BACH2: variants seen among roughly 807,000 people sequenced by gnomAD.
BACH2 encodes BACH transcriptional regulator 2.
BACH2 carries 5 observed loss-of-function variants against 61.8 expected under a neutral mutation model. The observed-to-expected ratio is 0.08, with a 90% CI of 0.04 to 0.17. The LOEUF (loss-of-function observed/expected upper bound fraction) is 0.17. Among genes scored for constraint, BACH2 ranks in the 10% least tolerant of loss-of-function variants. The probability of loss-of-function intolerance (pLI) is 1.00; values close to 1 mark genes in which losing one functional copy is unlikely to be tolerated. For synonymous variants in BACH2, 446 were observed against 440.1 expected (o/e 1.01, Z -0.17); for missense variants, 824 against 1,091.1 (o/e 0.76, Z 3.45).
chr6:89,967,363 G>A (rs1775100636), intron 6 of BACH2, among the ~76,000 whole-genome samples: 3 of 152,148 alleles, frequency 2.0e-5, no homozygotes, highest in Non-Finnish European at 4.4e-5. Flanking sequence ...TTTTCTGGGT[G>A]AATCAAACTA....
chr6:90,143,637 A>G, intron 4 of BACH2, among the ~76,000 whole-genome samples: 1 of 151,540 alleles, frequency 6.6e-6, no homozygotes, highest in East Asian at 1.9e-4. Context: ...GCACCTCCAC[A>G]TCCTCCACTT....
intron 4 of BACH2, among the ~76,000 whole-genome samples, chr6:90,166,821 C>T (rs1373796677): frequency 3.3e-5 from 5 of 150,802 alleles, no homozygotes; most frequent in South Asian, 4.2e-4. Flanking sequence ...AAACCAAACA[C>T]CACATGTTCT....
At chr6:90,191,429 T>A (rs933304557) in intron 4 of BACH2, among the ~76,000 whole-genome samples, 52 of 152,374 alleles carry the variant, frequency 3.4e-4, no homozygotes, top group African/African-American at 1.2e-3. Flanking sequence ...TGCAAATGGC[T>A]CATTCTTTTA....
chr6:90,012,946 A>C (rs573039424), intron 5 of BACH2, among the ~76,000 whole-genome samples: 20 of 152,146 alleles, frequency 1.3e-4, no homozygotes, highest in Admixed American at 5.9e-4. Context: ...GAACCACCAC[A>C]CTGGGCCCTC....
intron 6 of BACH2, among the ~76,000 whole-genome samples, chr6:89,985,879 C>A (rs533740378): frequency 6.6e-6 from 1 of 152,340 alleles, no homozygotes; most frequent in South Asian, 2.1e-4. Flanking sequence ...TCCACAGTGG[C>A]ATTTTTCAGG....
At chr6:90,278,946 C>A (rs1207672017) in intron 1 of BACH2, among the ~76,000 whole-genome samples, 1 of 152,072 alleles carries the variant, frequency 6.6e-6, no homozygotes, top group African/African-American at 2.4e-5. Context: ...ACTAGTTAAT[C>A]CTATATATGT....
chr6:90,118,784 A>G (rs1248460314), intron 4 of BACH2, among the ~76,000 whole-genome samples: 1 of 152,218 alleles, frequency 6.6e-6, no homozygotes, highest in African/African-American at 2.4e-5. Context: ...CAGTTATCCA[A>G]GAAGGTGGCA....
intron 4 of BACH2, chr6:90,104,252 G>A (rs1782800986): frequency 6.6e-6 from 1 of 152,182 alleles, no homozygotes; most frequent in African/African-American, 2.4e-5. Context: ...TGGAGAGGTG[G>A]GGTGTTCAGA....
At chr6:90,058,775 C>G (rs531868531) in intron 5 of BACH2, among the ~76,000 whole-genome samples, 82 of 152,240 alleles carry the variant, frequency 5.4e-4, no homozygotes, top group African/African-American at 1.8e-3. Context: ...CCAAGACAGA[C>G]ATATAGATCA....
At chr6:90,200,090 G>C (rs1360161546) in intron 4 of BACH2, among the ~76,000 whole-genome samples, 1 of 152,154 alleles carries the variant, frequency 6.6e-6, no homozygotes, top group Non-Finnish European at 1.5e-5. Flanking sequence ...TGAAGACACA[G>C]GCACACATCC....
intron 2 of BACH2, among the ~76,000 whole-genome samples, chr6:90,253,115 G>C (rs1770863183): frequency 6.6e-6 from 1 of 152,160 alleles, no homozygotes; most frequent in Admixed American, 6.5e-5. Flanking sequence ...ATGGTGGTAT[G>C]CAACTGTAGA....
chr6:90,167,036 C>T (rs1767648313), intron 4 of BACH2, among the ~76,000 whole-genome samples: 1 of 152,064 alleles, frequency 6.6e-6, no homozygotes, highest in South Asian at 2.1e-4. Flanking sequence ...TGCACATGTA[C>T]CCTAAAACTT....
rs1252207921 is a variant in BACH2, at chr6:89,927,583, T to G, written c.*4825A>C. 1 of 152,840 alleles carries G rather than the reference T, an allele frequency of 6.5e-6. No homozygotes were observed. Among genetic ancestry groups the G allele is most frequent in the Non-Finnish European group, 1.5e-5 (1 of 68,050 alleles). The allele number at this position is 152,840 out of a possible 1,614,324, so 9.5% of individuals were successfully genotyped here. A position where few individuals can be genotyped will look rare whatever the true frequency, so the allele number is the denominator to read the frequency against. On this transcript the variant is annotated 3_prime_UTR_variant, in exon 9 of 9. Coordinates refer to ENST00000257749, the MANE Select transcript of BACH2 (RefSeq NM_021813.4). ...ATGAAAGTCAGAGCTGTTTATCCAT[T>G]GCTTGACAGCAAAATGCATACACCG...
intron 8 of BACH2, among the ~76,000 whole-genome samples, chr6:89,936,242 C>T (rs2128353315): frequency 6.6e-6 from 1 of 152,326 alleles, no homozygotes; most frequent in Admixed American, 6.5e-5. Flanking sequence ...CAGGCTTCCA[C>T]AGGCAGGTGC....
chr6:90,083,896 G>C (rs760659453), intron 5 of BACH2, among the ~76,000 whole-genome samples: 3 of 152,104 alleles, frequency 2.0e-5, no homozygotes, highest in Non-Finnish European at 2.9e-5. Flanking sequence ...ACTACAAAAT[G>C]CTTTTTGTTG....
chr6:89,958,918 TGCAGG>T (rs1382218567), intron 6 of BACH2, among the ~76,000 whole-genome samples: 1 of 152,190 alleles, frequency 6.6e-6, no homozygotes, highest in Non-Finnish European at 1.5e-5. Flanking sequence ...CTAGATGGTT[TGCAGG>T]GCCTAGTGCA....
At chr6:90,016,232 T>C (rs1778053125) in intron 5 of BACH2, among the ~76,000 whole-genome samples, 1 of 152,226 alleles carries the variant, frequency 6.6e-6, no homozygotes, top group African/African-American at 2.4e-5. Flanking sequence ...CGTCTGAGTT[T>C]TAATTCTGGT....
At chr6:90,272,098 A>C (rs1012358192) in intron 1 of BACH2, among the ~76,000 whole-genome samples, 157 bp from the exon 2 acceptor site, 1 of 152,100 alleles carries the variant, frequency 6.6e-6, no homozygotes, top group Non-Finnish European at 1.5e-5. Flanking sequence ...ATGAGGAAGA[A>C]CTCAGCAATA....
intron 6 of BACH2, among the ~76,000 whole-genome samples, chr6:89,972,100 G>A (rs1241755366): frequency 6.6e-6 from 1 of 152,238 alleles, no homozygotes; most frequent in Admixed American, 6.5e-5. Flanking sequence ...GCAGTGTGGT[G>A]TGGCAGGAGC....
Sources: gnomAD v4.1 joint callset for allele counts (sites outside exome capture counted in the v4.1 genomes callset) on GRCh38, gnomAD v4.1.1 for gene constraint, MANE v1.5 for transcripts, NCBI Gene and HGNC (gene_info 2026-07-23, HGNC 2026-07-21) for gene names.